The following KAT2B variants were observed in gnomAD, a reference collection of about 807,000 sequenced individuals.
KAT2B encodes the protein histone acetyltransferase KAT2B.
In KAT2B, 36 loss-of-function variants were observed where a neutral mutation model predicts 105.9. The observed-to-expected ratio is 0.34, with a 90% CI of 0.26 to 0.45. KAT2B has a LOEUF of 0.45. KAT2B is among the 20% of genes least tolerant of loss of function. KAT2B has a pLI of 1.00. For missense variants in KAT2B, 820 were observed against 1,021.6 expected (o/e 0.80, Z 2.69); for synonymous variants, 397 against 377.9 (o/e 1.05, Z -0.59).
In KAT2B at chr3:20,040,769, T is replaced by C; in HGVS notation, c.292T>C (p.Ser98Pro). 1.3e-6 allele frequency: 2 copies of C among 1,591,560 alleles called. No homozygotes were observed. Among genetic ancestry groups the C allele is most frequent in the Non-Finnish European group, 1.7e-6 (2 of 1,172,200 alleles). The change falls in exon 1 of 18, where the codon TCC (serine) becomes CCC (proline). Residue 98 changes from serine to proline, a missense_variant. Around this residue, in one of 6 missense-constraint regions of KAT2B, gnomAD observed 190 missense variants for 176.7 expected, o/e 1.08. Coordinates refer to ENST00000263754, the MANE Select transcript of KAT2B (RefSeq NM_003884.5). ...GAAACTGGAGAAACTCGGAGTGTAC[T>C]CCGCCTGCAAGGTACGCGCTCGCCG... ...AKKLEKLGVY[S>P]ACKAEESCKC...
intron 5 of KAT2B, among the ~76,000 whole-genome samples, chr3:20,110,672 CA>C (rs55653348): frequency 3.9e-3 from 268 of 69,496 alleles, no homozygotes; most frequent in Middle Eastern, 0.014. Flanking sequence ...GACCCTGTCT[CA>C]AAAAAAAAAA....
chr3:20,059,788 A>G (rs564853609), intron 1 of KAT2B, among the ~76,000 whole-genome samples: 2 of 152,220 alleles, frequency 1.3e-5, no homozygotes, highest in South Asian at 2.1e-4. Flanking sequence ...GTACAATTCA[A>G]TGATTTTTAA....
intron 11 of KAT2B, 89 bp from the exon 12 acceptor site, chr3:20,136,853 C>A: frequency 1.6e-6 from 1 of 632,742 alleles, no homozygotes; most frequent in African/African-American, 1.8e-5. Context: ...AAAGTACAAA[C>A]TTCTGAATTC....
At chr3:20,140,523 A>T (rs1053976812) in intron 13 of KAT2B, among the ~76,000 whole-genome samples, 159 bp downstream of exon 13, 3 of 151,790 alleles carry the variant, frequency 2.0e-5, no homozygotes, top group Non-Finnish European at 2.9e-5. Flanking sequence ...TTTGACACAG[A>T]GTCTCTCTGT....
Position 20,152,326 on chromosome 3 carries a change from G to A in KAT2B, c.2306-6G>A. On this transcript the variant is annotated splice_polypyrimidine_tract_variant and splice_region_variant and intron_variant, in intron 17 of 17. Coordinates refer to ENST00000263754, the MANE Select transcript of KAT2B (RefSeq NM_003884.5). ...AAGATTGCTAATATTTTTTTTTCCT[G>A]TGCAGATCTGAAAACCATGAGTGAA... 1.3e-6 allele frequency: 2 copies of A among 1,599,856 alleles called. No homozygotes were observed. The highest frequency in any genetic ancestry group is 1.7e-6 in the Non-Finnish European group (2 of 1,173,440).
chr3:20,060,002 G>A lies in KAT2B; in HGVS notation c.304-12331G>A, dbSNP rs532767996. On this transcript the variant is annotated intron_variant, in intron 1 of 17. Coordinates refer to ENST00000263754, the MANE Select transcript of KAT2B (RefSeq NM_003884.5). The stretch of plus-strand genomic sequence containing the variant: ...ATACAGTATGTGGCCTTTTATGATG[G>A]GCTTCTTATGCCGAGTGTAATGTGT... 4.5e-4 allele frequency among the ~76,000 whole-genome samples: 69 copies of A among 152,230 alleles called. No homozygotes were observed. The South Asian group carries it at 0.011, about 24-fold the overall frequency.
chr3:20,062,286 TA>T (rs1559514530), intron 1 of KAT2B, among the ~76,000 whole-genome samples: 7 of 46,848 alleles, frequency 1.5e-4, no homozygotes, highest in Non-Finnish European at 2.7e-4. Flanking sequence ...ATATAAAATA[TA>T]ATATATAATA....
At position 20,040,771 on chromosome 3, in the gene KAT2B, C is replaced by T. The variant is rs1345146293; in HGVS notation, c.294C>T (p.Ser98=). The change falls in exon 1 of 18, where the codon TCC becomes TCT. Residue 98 remains serine (S), a synonymous_variant. Transcript: ENST00000263754. ...AKKLEKLGVY[S]ACKAEESCKC... ...AACTGGAGAAACTCGGAGTGTACTC[C>T]GCCTGCAAGGTACGCGCTCGCCGCT... is the stretch of plus-strand genomic sequence containing the variant. The T allele has an allele frequency of 1.9e-6, 3 of 1,591,288 alleles. No homozygotes were observed. Among genetic ancestry groups the T allele is most frequent in the Non-Finnish European group, 1.7e-6 (2 of 1,172,108 alleles).
Position 20,147,243 on chromosome 3 carries a change from TCTTA to T in KAT2B, c.2120-716_2120-713del, listed in dbSNP as rs569573280. 4.2e-4 allele frequency among the ~76,000 whole-genome samples: 64 copies of T among 152,346 alleles called. 1 individual carries two copies. The South Asian group carries it at 0.013, about 30-fold the overall frequency. On this transcript the variant is annotated intron_variant, in intron 14 of 17. Coordinates refer to ENST00000263754, the MANE Select transcript of KAT2B (RefSeq NM_003884.5). ...TTTATTACATGTGCCCTCTGGCAGA[TCTTA>T]CTTTTATGCTAAATCCAGAAATTCT...
intron 10 of KAT2B, among the ~76,000 whole-genome samples, chr3:20,127,061 T>A (rs1699417793): frequency 6.6e-6 from 1 of 152,186 alleles, no homozygotes; most frequent in African/African-American, 2.4e-5. Context: ...ACTTAACTCT[T>A]CAGAGACACA....
chr3:20,115,531 C>G (rs1699190449), intron 7 of KAT2B, among the ~76,000 whole-genome samples: 1 of 152,168 alleles, frequency 6.6e-6, no homozygotes, highest in Admixed American at 6.5e-5. Context: ...TTTTGTAGTG[C>G]TCTAGGTCAA....
intron 2 of KAT2B, among the ~76,000 whole-genome samples, chr3:20,073,318 T>C (rs1482175108): frequency 6.6e-6 from 1 of 152,188 alleles, no homozygotes; most frequent in East Asian, 1.9e-4. Context: ...AGAACGTTCT[T>C]GCTAAGGTAG....
chr3:20,070,863 G>C (rs953722591), intron 1 of KAT2B, among the ~76,000 whole-genome samples: 1 of 151,618 alleles, frequency 6.6e-6, no homozygotes, highest in Non-Finnish European at 1.5e-5. Flanking sequence ...ACAAAAATTA[G>C]CTGGGTGTGG....
chr3:20,107,682 CAAAA>C (rs1216574528), intron 5 of KAT2B, among the ~76,000 whole-genome samples: 2 of 145,790 alleles, frequency 1.4e-5, no homozygotes, highest in African/African-American at 5.0e-5. Context: ...ACCACAAAAA[CAAAA>C]AACCCACAAA....
At chr3:20,080,330 T>C (rs1203177433) in intron 2 of KAT2B, among the ~76,000 whole-genome samples, 2 of 152,166 alleles carry the variant, frequency 1.3e-5, no homozygotes, top group African/African-American at 2.4e-5. Context: ...CACCTCTGCC[T>C]TAGATCTGGA....
intron 11 of KAT2B, among the ~76,000 whole-genome samples, chr3:20,130,685 C>CA (rs1329433311): frequency 2.0e-5 from 3 of 152,264 alleles, no homozygotes; most frequent in Non-Finnish European, 1.5e-5. Flanking sequence ...AATTCCCCCC[C>CA]ATAACCATGT....
At chr3:20,091,617 T>C (rs1698719744) in intron 2 of KAT2B, among the ~76,000 whole-genome samples, 2 of 152,158 alleles carry the variant, frequency 1.3e-5, no homozygotes, top group African/African-American at 4.8e-5. Context: ...TTTTTTAATA[T>C]AGGCATTTAT....
intron 12 of KAT2B, among the ~76,000 whole-genome samples, chr3:20,138,377 A>AT (rs11402275): frequency 0.28 from 39,796 of 144,286 alleles, 8,023 homozygotes; most frequent in East Asian, 0.64. Context: ...GAAATAGAAA[A>AT]TATTTAACCA....
intron 1 of KAT2B, among the ~76,000 whole-genome samples, chr3:20,061,421 A>G (rs1021478896): frequency 6.6e-6 from 1 of 152,180 alleles, no homozygotes; most frequent in Non-Finnish European, 1.5e-5. Flanking sequence ...GTTGTGCTTA[A>G]TAATGATACT....
Sources: allele counts gnomAD v4.1 joint callset (sites outside exome capture counted in the v4.1 genomes callset), GRCh38; gene constraint gnomAD v4.1.1; regional missense constraint gnomAD v4.1.1; transcripts MANE v1.5; gene names NCBI Gene and HGNC (gene_info 2026-07-23, HGNC 2026-07-21).